The following KCNC2 variants were observed in gnomAD, a reference collection of about 807,000 sequenced individuals.
KCNC2 encodes voltage-gated potassium channel KCNC2.
Under a neutral mutation model 44.5 loss-of-function variants are expected in KCNC2, and 21 were observed. That is an observed-to-expected ratio of 0.47 (90% CI 0.33 to 0.68). The LOEUF (loss-of-function observed/expected upper bound fraction) is 0.68, where lower values mean the gene tolerates loss of function less well. Ranked by LOEUF, KCNC2 falls within the 30% of genes least tolerant of loss-of-function variation. KCNC2 has a pLI of 0.01. For missense variants in KCNC2, 589 were observed against 826.2 expected (o/e 0.71, Z 3.52); for synonymous variants, 391 against 339.1 (o/e 1.15, Z -1.68).
intron 2 of KCNC2, among the ~76,000 whole-genome samples, chr12:75,198,683 T>C (rs915655550): frequency 2.0e-5 from 3 of 151,890 alleles, no homozygotes; most frequent in Non-Finnish European, 4.4e-5. Flanking sequence ...ACAATTATTA[T>C]ACAATATTCA....
intron 2 of KCNC2, among the ~76,000 whole-genome samples, chr12:75,168,077 T>C (rs1488835282): frequency 2.6e-5 from 4 of 151,216 alleles, no homozygotes; most frequent in South Asian, 4.2e-4. Context: ...TAATCTCATC[T>C]TGCTATTCAT....
chr12:75,060,596 G>T (rs1019948374), intron 2 of KCNC2, among the ~76,000 whole-genome samples: 3 of 151,958 alleles, frequency 2.0e-5, no homozygotes, highest in Non-Finnish European at 2.9e-5. Context: ...CTCCCAAGTT[G>T]CTGGGATTAC....
At chr12:75,069,866 T>C (rs1194681619) in intron 2 of KCNC2, among the ~76,000 whole-genome samples, 1 of 152,144 alleles carries the variant, frequency 6.6e-6, no homozygotes, top group Non-Finnish European at 1.5e-5. Context: ...GAAGTAAGTT[T>C]GAGTCTCAGA....
intron 2 of KCNC2, among the ~76,000 whole-genome samples, chr12:75,165,868 T>C: frequency 6.6e-6 from 1 of 151,484 alleles, no homozygotes; most frequent in East Asian, 1.9e-4. Context: ...AGGCTAGCCA[T>C]TGCTTATTTG....
chr12:75,069,856 G>A (rs1309378400), intron 2 of KCNC2, among the ~76,000 whole-genome samples: 1 of 152,122 alleles, frequency 6.6e-6, no homozygotes, highest in African/African-American at 2.4e-5. Context: ...GAGACCCAGG[G>A]AAGTAAGTTT....
chr12:75,204,644 G>A (rs895307316), intron 2 of KCNC2, among the ~76,000 whole-genome samples: 1 of 152,086 alleles, frequency 6.6e-6, no homozygotes, highest in African/African-American at 2.4e-5. Flanking sequence ...CTTGATAAAT[G>A]TTTTATGTTT....
intron 2 of KCNC2, among the ~76,000 whole-genome samples, chr12:75,056,686 A>C (rs1337945228): frequency 6.6e-6 from 1 of 152,042 alleles, no homozygotes; most frequent in Non-Finnish European, 1.5e-5. Context: ...ATTAAAGTAC[A>C]AGGATAGACA....
chr12:75,155,079 TA>T (rs1250468354), intron 2 of KCNC2, among the ~76,000 whole-genome samples: 2 of 150,188 alleles, frequency 1.3e-5, no homozygotes, highest in Non-Finnish European at 3.0e-5. Flanking sequence ...ACAGGGAAAA[TA>T]AAAAATTATA....
intron 2 of KCNC2, among the ~76,000 whole-genome samples, chr12:75,106,976 A>T (rs1435978993): frequency 1.3e-5 from 2 of 151,984 alleles, no homozygotes; most frequent in Non-Finnish European, 2.9e-5. Context: ...ATGTTGATTC[A>T]TTTTTTCTTT....
intron 2 of KCNC2, among the ~76,000 whole-genome samples, chr12:75,078,971 T>C (rs768387652): frequency 6.6e-6 from 1 of 152,148 alleles, no homozygotes; most frequent in Non-Finnish European, 1.5e-5. Flanking sequence ...ACAGAGAGAA[T>C]TATTTAAAGT....
chr12:75,204,788 C>G (rs1233706208), intron 2 of KCNC2, among the ~76,000 whole-genome samples: 3 of 152,148 alleles, frequency 2.0e-5, no homozygotes, highest in East Asian at 3.9e-4. Flanking sequence ...TATTAAGTCA[C>G]TTTTAAATAG....
At chr12:75,063,447 A>G (rs537651798) in intron 2 of KCNC2, among the ~76,000 whole-genome samples, 2 of 152,186 alleles carry the variant, frequency 1.3e-5, no homozygotes, top group East Asian at 3.9e-4. Flanking sequence ...TTCAAATGCC[A>G]AATTATTAGC....
At chr12:75,160,444 T>A (rs1161663994) in intron 2 of KCNC2, among the ~76,000 whole-genome samples, 1 of 151,804 alleles carries the variant, frequency 6.6e-6, no homozygotes, top group African/African-American at 2.4e-5. Context: ...AAACAGGCAA[T>A]GATGTCAATA....
At chr12:75,098,373 T>C (rs565964244) in intron 2 of KCNC2, among the ~76,000 whole-genome samples, 1 of 152,282 alleles carries the variant, frequency 6.6e-6, no homozygotes, top group African/African-American at 2.4e-5. Flanking sequence ...TTTGTTTCCA[T>C]AGAAGACTGC....
At chr12:75,045,973 T>G (rs192351962) in intron 4 of KCNC2, among the ~76,000 whole-genome samples, 1 of 151,506 alleles carries the variant, frequency 6.6e-6, no homozygotes. Context: ...AATAAATGAA[T>G]AGAAATAACA....
chr12:75,111,853 T>C (rs889335882), intron 2 of KCNC2, among the ~76,000 whole-genome samples: 2 of 152,076 alleles, frequency 1.3e-5, no homozygotes, highest in Admixed American at 6.6e-5. Context: ...AACACAGTGA[T>C]TTTATTTTTA....
chr12:75,205,114 C>G (rs1257413679), intron 2 of KCNC2, among the ~76,000 whole-genome samples: 2 of 152,130 alleles, frequency 1.3e-5, no homozygotes. Flanking sequence ...CCAATGTGAT[C>G]TGCAGAGATT....
At chr12:75,150,436 A>C (rs1399512694) in intron 2 of KCNC2, among the ~76,000 whole-genome samples, 1 of 151,830 alleles carries the variant, frequency 6.6e-6, no homozygotes, top group Non-Finnish European at 1.5e-5. Flanking sequence ...AATGACTATC[A>C]ATACACAAAT....
At position 75,207,609 on chromosome 12, in the gene KCNC2, G is replaced by A. The variant is rs61735712; in HGVS notation, c.375C>T (p.Cys125=). 127,543 of 1,611,930 alleles carry A rather than the reference G, an allele frequency of 0.079. 5,713 individuals are homozygous for A. Among genetic ancestry groups the A allele is most frequent in the Admixed American group, 0.16 (9,774 of 60,018 alleles). The change falls in exon 2 of 5, where the codon TGC becomes TGT. Residue 125 remains cysteine (C), a synonymous_variant. Coordinates refer to ENST00000549446, the MANE Select transcript of KCNC2 (RefSeq NM_139137.4). The surrounding 1 kb of genome is among the most constrained non-coding windows in gnomAD (Gnocchi z 4.1). ...LNYYRTGKLH[C]PADVCGPLFE... Reference sequence around the variant, plus strand: ...AGAGCGGCCCGCACACGTCTGCGGGGCAGTGCAGCTTGCCGGTGCGGTAGT... The same window carrying A: ...AGAGCGGCCCGCACACGTCTGCGGGACAGTGCAGCTTGCCGGTGCGGTAGT...
Sources: gnomAD v4.1 joint callset for allele counts (sites outside exome capture counted in the v4.1 genomes callset) on GRCh38, gnomAD v4.1.1 for gene constraint, Gnocchi (gnomAD v3.1) non-coding constraint, MANE v1.5 for transcripts, NCBI Gene and HGNC (gene_info 2026-07-23, HGNC 2026-07-21) for gene names.